Variants in ZFP90 observed in about 807,000 individuals in gnomAD.
ZFP90 encodes the protein zinc finger protein 90 homolog.
Under a neutral mutation model 60.8 loss-of-function variants are expected in ZFP90, and 38 were observed. The ratio of observed to expected loss-of-function variants is 0.62; its 90% CI spans 0.48 to 0.82. The LOEUF (loss-of-function observed/expected upper bound fraction) is 0.82, where lower values mean the gene tolerates loss of function less well. Among genes scored for constraint, ZFP90 ranks in the 40% least tolerant of loss-of-function variants. ZFP90 has a pLI of 0.00. For synonymous variants in ZFP90, 287 were observed against 264.8 expected (o/e 1.08, Z -0.82); for missense variants, 711 against 759.1 (o/e 0.94, Z 0.74).
At chr16:68,543,287 TAA>T (rs2091085452) in intron 2 of ZFP90, among the ~76,000 whole-genome samples, 1 of 152,186 alleles carries the variant, frequency 6.6e-6, no homozygotes, top group Non-Finnish European at 1.5e-5. Flanking sequence ...ATAGATTTTT[TAA>T]AAGATTGCCA....
rs1409987762 is a variant in ZFP90, at chr16:68,563,486, TAAAGG to T, written c.701_705del (p.Lys234ArgfsTer6). ...CGCTTACTAAACATGAGAAAACACA[TAAAGG>T]AGAGGGAGCTTTCCCTAATGGAACA... On this transcript the variant is annotated frameshift_variant, in exon 5 of 5. Transcript: ENST00000563169. LOFTEE classifies it high-confidence loss of function. 6.2e-7 allele frequency: 1 copy of T among 1,614,062 alleles called. No homozygotes were observed. The highest frequency in any genetic ancestry group is 1.1e-5 in the South Asian group (1 of 91,074).
intron 2 of ZFP90, among the ~76,000 whole-genome samples, chr16:68,543,357 G>A (rs1094282): frequency 0.77 from 116,517 of 152,064 alleles, 44,732 homozygotes; most frequent in East Asian, 0.82. Context: ...AGTTCCTTTA[G>A]AGAGGTGTTT....
chr16:68,557,433 C>T (rs1193361265), intron 2 of ZFP90: 1 of 357,222 alleles, frequency 2.8e-6, no homozygotes, highest in African/African-American at 2.1e-5. Flanking sequence ...TTCCACTATG[C>T]AAAGATCTCT....
Position 68,563,145 on chromosome 16 carries a change from T to C in ZFP90, c.358T>C (p.Ser120Pro). 2 of 1,614,130 alleles carry C rather than the reference T, an allele frequency of 1.2e-6. No homozygotes were observed. Reference sequence around the variant, plus strand: ...TCTCTTACATGCTACATTAGAAGACTCCTGGGATGTTAGCAGCCAGTTAGA... The same window carrying C: ...TCTCTTACATGCTACATTAGAAGACCCCTGGGATGTTAGCAGCCAGTTAGA... Reference protein sequence around the residue: ...HDLLHATLEDSWDVSSQLDRQ... With the variant: ...HDLLHATLEDPWDVSSQLDRQ... Residue 120 changes from serine to proline, a missense_variant, in exon 5 of 5, where the codon TCC becomes CCC. Around this residue, in one of 5 missense-constraint regions of ZFP90, gnomAD observed 241 missense variants for 247.6 expected, o/e 0.97. Transcript: ENST00000563169.
At position 68,564,408 on chromosome 16, in the gene ZFP90, A is replaced by G. The variant is rs757885085; in HGVS notation, c.1621A>G (p.Thr541Ala). The G allele has an allele frequency of 1.2e-6, 2 of 1,613,586 alleles. No homozygotes were observed. Among genetic ancestry groups the G allele is most frequent in the Admixed American group, 1.7e-5 (1 of 59,950 alleles). ...GEAFSRRSSLTQHERTHTGEK... is the reference protein window; with the variant it reads ...GEAFSRRSSLAQHERTHTGEK... ...AGCCTTTAGTCGACGCTCATCGCTTACTCAACATGAGAGAACCCACACTGG... is the reference window on the plus strand; with the variant it reads ...AGCCTTTAGTCGACGCTCATCGCTTGCTCAACATGAGAGAACCCACACTGG... Residue 541 changes from threonine to alanine, a missense_variant, in exon 5 of 5, where the codon ACT (threonine) becomes GCT (alanine). Coordinates refer to ENST00000563169, the MANE Select transcript of ZFP90 (RefSeq NM_001305203.2).
intron 2 of ZFP90, among the ~76,000 whole-genome samples, chr16:68,542,624 G>A (rs1352509301): frequency 6.6e-6 from 1 of 152,014 alleles, no homozygotes. Context: ...AAAGGGAGAG[G>A]GTAGAGCTGA....
intron 2 of ZFP90, among the ~76,000 whole-genome samples, chr16:68,554,417 C>T (rs935145311): frequency 2.6e-5 from 4 of 152,098 alleles, no homozygotes; most frequent in African/African-American, 7.2e-5. Flanking sequence ...GCTGGGATTA[C>T]AGGCATGAGC....
At chr16:68,540,014 G>C (rs950689363) in intron 2 of ZFP90, among the ~76,000 whole-genome samples, 189 bp downstream of exon 2, 5 of 152,254 alleles carry the variant, frequency 3.3e-5, no homozygotes, top group Non-Finnish European at 1.5e-5. Context: ...GCTGCTCTGT[G>C]GGGTAGAGAG....
chr16:68,571,762 A>C (rs9938336), downstream of ZFP90, among the ~76,000 whole-genome samples: 5,601 of 151,840 alleles, frequency 0.037, 322 homozygotes, highest in African/African-American at 0.13. Context: ...ACCTCATCTC[A>C]ACAAAAATAA....
chr16:68,545,816 A>G (rs2091139514), intron 2 of ZFP90, among the ~76,000 whole-genome samples: 1 of 152,240 alleles, frequency 6.6e-6, no homozygotes, highest in African/African-American at 2.4e-5. Flanking sequence ...CTCCGTCTCA[A>G]AAAATAACTG....
chr16:68,549,413 C>T (rs1025728436), intron 2 of ZFP90, among the ~76,000 whole-genome samples: 4 of 152,166 alleles, frequency 2.6e-5, no homozygotes, highest in African/African-American at 9.7e-5. Context: ...CGCGGTGGCT[C>T]ATGCCTGTAA....
chr16:68,549,459 C>T (rs540758957), intron 2 of ZFP90, among the ~76,000 whole-genome samples: 54 of 151,996 alleles, frequency 3.6e-4, no homozygotes, highest in African/African-American at 1.2e-3. Context: ...AGGTGGATCA[C>T]GAGGTCAGGA....
At chr16:68,549,045 AGAC>A (rs1431988992) in intron 2 of ZFP90, among the ~76,000 whole-genome samples, 1 of 152,102 alleles carries the variant, frequency 6.6e-6, no homozygotes, top group Non-Finnish European at 1.5e-5. Flanking sequence ...TTCACTCAGC[AGAC>A]GTGTTTGGAA....
downstream of ZFP90, among the ~76,000 whole-genome samples, chr16:68,571,869 A>C (rs981796273): frequency 4.6e-5 from 7 of 152,194 alleles, no homozygotes; most frequent in African/African-American, 1.7e-4. Flanking sequence ...ATGCCTTTTG[A>C]GGCACCAATT....
Position 68,563,091 on chromosome 16 carries a change from G to A in ZFP90, c.304G>A (p.Val102Ile), listed in dbSNP as rs763179291. The A allele has an allele frequency of 1.2e-6, 2 of 1,614,018 alleles. No homozygotes were observed. Among genetic ancestry groups the A allele is most frequent in the Non-Finnish European group, 1.7e-6 (2 of 1,180,032 alleles). Residue 102 changes from valine (V) to isoleucine (I), a missense_variant, in exon 5 of 5, where the codon GTA becomes ATA. This residue lies in a region of ZFP90 where 241 missense variants were observed against 247.6 expected (regional missense o/e 0.97). Coordinates refer to ENST00000563169, the MANE Select transcript of ZFP90 (RefSeq NM_001305203.2). ...CAAATCATCACATTTGCAGCAGGAT[G>A]TATCAGAAGTATCCCACTGCACACA... ...EVKSSHLQQD[V>I]SEVSHCTHDL...
At chr16:68,555,539 G>T (rs1429320800) in intron 2 of ZFP90, among the ~76,000 whole-genome samples, 1 of 152,174 alleles carries the variant, frequency 6.6e-6, no homozygotes, top group Non-Finnish European at 1.5e-5. Context: ...AGGAAACAGA[G>T]ATATAGTGTG....
chr16:68,535,598 C>T (rs2090954485), upstream of ZFP90: 5 of 152,076 alleles, frequency 3.3e-5, no homozygotes, highest in South Asian at 8.3e-4. Context: ...CCCAACACTG[C>T]CATAATGACT....
chr16:68,534,189 T>TA (rs992868919), intron 2 of ZFP90, among the ~76,000 whole-genome samples: 10 of 151,678 alleles, frequency 6.6e-5, no homozygotes, highest in African/African-American at 2.2e-4. Context: ...AATCTATTAT[T>TA]AACCATGTGC....
At chr16:68,556,931 T>C (rs937813683) in intron 2 of ZFP90, among the ~76,000 whole-genome samples, 3 of 152,180 alleles carry the variant, frequency 2.0e-5, no homozygotes, top group African/African-American at 7.2e-5. Context: ...ACAAGTTTGA[T>C]GTAGTCAAGG....
Sources: gnomAD v4.1 joint callset for allele counts (sites outside exome capture counted in the v4.1 genomes callset) on GRCh38, gnomAD v4.1.1 for gene constraint, gnomAD v4.1.1 regional missense constraint, MANE v1.5 for transcripts, NCBI Gene and HGNC (gene_info 2026-07-23, HGNC 2026-07-21) for gene names.